ATP10D: variants seen among roughly 807,000 people sequenced by gnomAD.
ATP10D encodes the protein ATPase phospholipid transporting 10D (putative).
Under a neutral mutation model 144.8 loss-of-function variants are expected in ATP10D, and 89 were observed. The observed-to-expected ratio is 0.61, with a 90% CI of 0.52 to 0.73. ATP10D has a LOEUF of 0.73. ATP10D is among the 30% of genes least tolerant of loss of function. ATP10D has a pLI of 0.00. For missense variants in ATP10D, 1,603 were observed against 1,714.8 expected (o/e 0.93, Z 1.15); for synonymous variants, 571 against 615.1 (o/e 0.93, Z 1.06).
intron 18 of ATP10D, among the ~76,000 whole-genome samples, chr4:47,573,808 A>G (rs1167460370): frequency 6.6e-6 from 1 of 152,178 alleles, no homozygotes; most frequent in East Asian, 1.9e-4. Flanking sequence ...TTTTAGGGGA[A>G]AAAAAGCCAT....
chr4:47,557,804 C>T lies in ATP10D; in HGVS notation c.1965C>T (p.Ala655=), dbSNP rs766869654. 1.2e-6 allele frequency: 2 copies of T among 1,614,076 alleles called. No homozygotes were observed. Among genetic ancestry groups the T allele is most frequent in the South Asian group, 1.1e-5 (1 of 91,090 alleles). Residue 655 remains alanine (A), a synonymous_variant, in exon 12 of 23, where the codon GCC becomes GCT. Coordinates refer to ENST00000273859, the MANE Select transcript of ATP10D (RefSeq NM_020453.4). ...AGCCATCTTCTGGAGTTCCAAACGC[C>T]TTTGTGAGCAGACTCCCTCTCTTTA... is the stretch of plus-strand genomic sequence containing the variant. ...GKEPSSGVPN[A]FVSRLPLFSR...
intron 9 of ATP10D, 99 bp downstream of exon 9, chr4:47,537,037 T>C (rs1341440662): frequency 1.4e-6 from 2 of 1,385,802 alleles, no homozygotes; most frequent in Non-Finnish European, 2.0e-6. Flanking sequence ...AGAAGTGGTT[T>C]ATTTAATCAT....
chr4:47,498,175 C>T lies in ATP10D; in HGVS notation c.-38+12656C>T, dbSNP rs78337319. 6.0e-3 allele frequency among the ~76,000 whole-genome samples: 909 copies of T among 152,272 alleles called. 12 individuals are homozygous for T. The highest frequency in any genetic ancestry group is 0.021 in the African/African-American group (859 of 41,570). On this transcript the variant is annotated intron_variant, in intron 1 of 22. Coordinates refer to ENST00000273859, the MANE Select transcript of ATP10D (RefSeq NM_020453.4). ...AGAGCCAGAATTTGAACCCATGACT[C>T]GGAAATACTCTGTTCTTTCCACTGT...
intron 16 of ATP10D, among the ~76,000 whole-genome samples, chr4:47,571,372 A>G (rs1447370399): frequency 2.7e-5 from 4 of 150,086 alleles, no homozygotes; most frequent in Non-Finnish European, 4.4e-5. Context: ...ATAACTTATA[A>G]TAATATTAAT....
chr4:47,523,030 T>C lies in ATP10D; in HGVS notation c.504T>C (p.Ile168=), dbSNP rs2109410449. 2 of 1,611,490 alleles carry C rather than the reference T, an allele frequency of 1.2e-6. No homozygotes were observed. Among genetic ancestry groups the C allele is most frequent in the Admixed American group, 1.7e-5 (1 of 59,982 alleles). The change falls in exon 4 of 23, where the codon ATT becomes ATC. Residue 168 remains isoleucine, a synonymous_variant. Coordinates refer to ENST00000273859, the MANE Select transcript of ATP10D (RefSeq NM_020453.4). ...KVYSRKEKKY[I]DRCWKDVTVG... ...ATTACAGGAAAGAGAAAAAATACATTGACCGATGCTGGAAAGACGTTACTG... is the reference window on the plus strand; with the variant it reads ...ATTACAGGAAAGAGAAAAAATACATCGACCGATGCTGGAAAGACGTTACTG...
At chr4:47,529,941 C>T (rs537531766) in intron 5 of ATP10D, among the ~76,000 whole-genome samples, 2 of 152,096 alleles carry the variant, frequency 1.3e-5, no homozygotes, top group Non-Finnish European at 1.5e-5. Context: ...ATTTGGTTCT[C>T]AGTTAGAATG....
intron 15 of ATP10D, among the ~76,000 whole-genome samples, chr4:47,564,628 A>T (rs1007723518): frequency 3.3e-5 from 5 of 152,142 alleles, no homozygotes; most frequent in South Asian, 2.1e-4. Context: ...GTCATTTTTT[A>T]AAAAAGAAGG....
intron 22 of ATP10D, among the ~76,000 whole-genome samples, chr4:47,590,835 T>C (rs923389156): frequency 6.6e-5 from 10 of 152,282 alleles, no homozygotes; most frequent in African/African-American, 2.4e-4. Context: ...TGGCAATTAC[T>C]ATTTTCTAAT....
At position 47,523,335 on chromosome 4, in the gene ATP10D, A is replaced by G. The variant is rs967757505; in HGVS notation, c.690+119A>G. The G allele has an allele frequency of 3.6e-6, 3 of 836,560 alleles. No homozygotes were observed. In the African/African-American group the frequency reaches 5.1e-5, roughly 14 times the overall value. 51.8% of individuals were successfully genotyped at this position (836,560 alleles called of 1,614,324 possible). ...TTCATTTTCACCAGGATGAAATAGA[A>G]TCCCAGAAGGTTTCATTCACTTCCA... On this transcript the variant is annotated intron_variant, in intron 4 of 22. Coordinates refer to ENST00000273859, the MANE Select transcript of ATP10D (RefSeq NM_020453.4).
At chr4:47,495,328 G>T (rs932528816) in intron 1 of ATP10D, among the ~76,000 whole-genome samples, 4 of 151,604 alleles carry the variant, frequency 2.6e-5, no homozygotes, top group African/African-American at 9.7e-5. Flanking sequence ...AAAAAAAAAG[G>T]AAAGAAAAAA....
At chr4:47,553,459 GC>G (rs1718826545) in intron 10 of ATP10D, among the ~76,000 whole-genome samples, 1 of 152,228 alleles carries the variant, frequency 6.6e-6, no homozygotes, top group East Asian at 1.9e-4. Context: ...GAGTCTGGAA[GC>G]CAGGTGAGAC....
chr4:47,557,453 T>C (rs1455253790), intron 11 of ATP10D, among the ~76,000 whole-genome samples: 1 of 152,042 alleles, frequency 6.6e-6, no homozygotes, highest in African/African-American at 2.4e-5. Flanking sequence ...ATTAAAAATA[T>C]TAATAAAAAT....
At chr4:47,510,340 T>C (rs1716259230) in intron 1 of ATP10D, among the ~76,000 whole-genome samples, 1 of 151,992 alleles carries the variant, frequency 6.6e-6, no homozygotes, top group South Asian at 2.1e-4. Flanking sequence ...AAGGGGGCCA[T>C]GGAGGGCAGT....
intron 12 of ATP10D, 102 bp downstream of exon 12, chr4:47,558,375 A>G: frequency 6.9e-7 from 1 of 1,448,514 alleles, no homozygotes; most frequent in Non-Finnish European, 9.3e-7. Context: ...CTATCTGGGG[A>G]CTAATCACAT....
intron 1 of ATP10D, among the ~76,000 whole-genome samples, chr4:47,504,564 C>T (rs1016398008): frequency 2.7e-5 from 4 of 149,082 alleles, no homozygotes; most frequent in Admixed American, 2.7e-4. Context: ...GTCAAGGAGA[C>T]TTTTTTTTTT....
intron 9 of ATP10D, 100 bp from the exon 10 acceptor site, chr4:47,546,524 A>C: frequency 9.4e-7 from 1 of 1,058,944 alleles, no homozygotes; most frequent in Non-Finnish European, 1.4e-6. Flanking sequence ...TTGAAAGGGG[A>C]GGAGATGGTG....
At chr4:47,536,308 G>T (rs1717843163) in intron 7 of ATP10D, 129 bp from the exon 8 acceptor site, 6 of 1,255,098 alleles carry the variant, frequency 4.8e-6, no homozygotes, top group Non-Finnish European at 6.6e-6. Context: ...TTTGAATTTT[G>T]TTTCCAAAAA....
intron 4 of ATP10D, among the ~76,000 whole-genome samples, chr4:47,523,806 T>TA (rs370869184): frequency 0.097 from 14,808 of 152,270 alleles, 853 homozygotes; most frequent in Non-Finnish European, 0.13. Flanking sequence ...AGTACATATG[T>TA]TTTCATATGT....
chr4:47,552,875 A>G (rs1410270188), intron 10 of ATP10D, among the ~76,000 whole-genome samples: 2 of 152,250 alleles, frequency 1.3e-5, no homozygotes, highest in Admixed American at 6.5e-5. Flanking sequence ...GCCTGCACAT[A>G]CTAGCCTCTT....
Sources: allele counts gnomAD v4.1 joint callset (sites outside exome capture counted in the v4.1 genomes callset), GRCh38; gene constraint gnomAD v4.1.1; transcripts MANE v1.5; gene names NCBI Gene and HGNC (gene_info 2026-07-23, HGNC 2026-07-21).